Variants in FHIT observed in about 807,000 individuals in gnomAD.
FHIT encodes the protein bis(5'-adenosyl)-triphosphatase.
A neutral mutation model predicts 17.9 loss-of-function variants in FHIT; 19 were observed. The observed-to-expected ratio is 1.06, with a 90% confidence interval of 0.74 to 1.56. The LOEUF (loss-of-function observed/expected upper bound fraction) is 1.56, where lower values mean the gene tolerates loss of function less well. FHIT is among the 40% of genes most tolerant of loss of function. The pLI, the probability that FHIT is intolerant of heterozygous loss-of-function variation, is 0.00. For synonymous variants in FHIT, 81 were observed against 69.7 expected, an observed-to-expected ratio of 1.16 and a Z score of -0.81; for missense variants, 248 against 189.2, an observed-to-expected ratio of 1.31 and a Z score of -1.82.
intron 5 of FHIT, among the ~76,000 whole-genome samples, chr3:60,140,793 G>C (rs995206588): frequency 3.3e-5 from 5 of 151,976 alleles, no homozygotes; most frequent in Admixed American, 6.6e-5. Flanking sequence ...GATCAGGCTG[G>C]TTTCGAACTC....
chr3:60,476,085 T>C (rs888244702), intron 5 of FHIT, among the ~76,000 whole-genome samples: 2 of 152,168 alleles, frequency 1.3e-5, no homozygotes, highest in Non-Finnish European at 2.9e-5. Flanking sequence ...AGTGAGATAG[T>C]AGAAAAACTG....
At chr3:60,379,147 A>T (rs1700700646) in intron 5 of FHIT, among the ~76,000 whole-genome samples, 1 of 152,236 alleles carries the variant, frequency 6.6e-6, no homozygotes, top group South Asian at 2.1e-4. Context: ...TTAGATACTT[A>T]GCCCTAATTG....
rs1286831115 is a variant in FHIT, at chr3:60,490,670, C to G, written c.103+46190G>C. ...ATTATCATGTCTTACTTGATTTGTA[C>G]CAAAAAAAAAAAAAAAAGATTAGAT... On this transcript the variant is annotated intron_variant, in intron 5 of 9. Transcript: ENST00000492590. Among the ~76,000 whole-genome samples, 3 of 130,154 alleles carry G rather than the reference C, an allele frequency of 2.3e-5. No homozygotes were observed. In the East Asian group the frequency reaches 1.0e-3, roughly 45 times the overall value. The allele number at this position is 130,154 out of a possible 152,430, so 85.4% of individuals were successfully genotyped here.
At chr3:61,061,500 ATTTTAATTAAATTTAAATTAAAATTTG>A (rs1559951017) in intron 2 of FHIT, among the ~76,000 whole-genome samples, 2 of 151,770 alleles carry the variant, frequency 1.3e-5, no homozygotes, top group South Asian at 2.1e-4. Context: ...TATTTTATTT[ATTTTAATTAAATTTAAATTAAAATTTG>A]TTTTAATTAA....
At chr3:61,228,557 G>C (rs1468412042) in intron 1 of FHIT, among the ~76,000 whole-genome samples, 16 of 152,126 alleles carry the variant, frequency 1.1e-4, no homozygotes, top group Admixed American at 1.0e-3. Context: ...AAATAAATTT[G>C]TATGCTTTTC....
At chr3:60,958,655 A>T (rs1275685285) in intron 3 of FHIT, among the ~76,000 whole-genome samples, 2 of 152,174 alleles carry the variant, frequency 1.3e-5, no homozygotes, top group Non-Finnish European at 2.9e-5. Context: ...GGTAGCCTAA[A>T]TGATATGGGA....
At chr3:59,943,911 A>G (rs1315053866) in intron 7 of FHIT, among the ~76,000 whole-genome samples, 1 of 152,204 alleles carries the variant, frequency 6.6e-6, no homozygotes, top group African/African-American at 2.4e-5. Flanking sequence ...TCCAGATTCC[A>G]GTTTCCTCAT....
At chr3:60,967,931 A>G (rs1709828559) in intron 3 of FHIT, among the ~76,000 whole-genome samples, 2 of 152,256 alleles carry the variant, frequency 1.3e-5, no homozygotes, top group Non-Finnish European at 2.9e-5. Flanking sequence ...CTACAATTTA[A>G]AATTCAACTG....
At chr3:60,339,273 C>T (rs1710396493) in intron 5 of FHIT, among the ~76,000 whole-genome samples, 1 of 151,964 alleles carries the variant, frequency 6.6e-6, no homozygotes, top group Non-Finnish European at 1.5e-5. Context: ...ACTAACTTTC[C>T]TAAACCTCTT....
chr3:59,983,657 T>C (rs1037554763), intron 7 of FHIT, among the ~76,000 whole-genome samples: 2 of 152,130 alleles, frequency 1.3e-5, no homozygotes, highest in Admixed American at 1.3e-4. Context: ...GACTAATGTA[T>C]AGTCCTTTCC....
intron 5 of FHIT, among the ~76,000 whole-genome samples, chr3:60,311,814 G>A (rs931884262): frequency 9.9e-5 from 15 of 152,042 alleles, no homozygotes; most frequent in Admixed American, 2.0e-4. Flanking sequence ...AAACATGGTC[G>A]GGGTGGACTT....
At chr3:60,134,852 C>T (rs2107279045) in intron 5 of FHIT, among the ~76,000 whole-genome samples, 1 of 152,258 alleles carries the variant, frequency 6.6e-6, no homozygotes, top group South Asian at 2.1e-4. Context: ...AGCTGTGGTA[C>T]TATGGCTCTT....
At position 60,380,661 on chromosome 3, in the gene FHIT, T is replaced by C. The variant is rs1046419497; in HGVS notation, c.103+156199A>G. Among the ~76,000 whole-genome samples the C allele has an allele frequency of 6.6e-5, 10 of 152,322 alleles. 1 individual carries two copies. Among genetic ancestry groups the C allele is most frequent in the Admixed American group, 4.6e-4 (7 of 15,300 alleles). Reference sequence around the variant, plus strand: ...TGTCTCCGTACACGTCCAAGTTTAGTTGTCTCACTGCATGAGTATTTTCCA... The same window carrying C: ...TGTCTCCGTACACGTCCAAGTTTAGCTGTCTCACTGCATGAGTATTTTCCA... On this transcript the variant is annotated intron_variant, in intron 5 of 9. Transcript: ENST00000492590.
rs2038975136 is a variant in FHIT, at chr3:61,200,356, G to C, written c.-164+261C>G. 4.6e-5 allele frequency among the ~76,000 whole-genome samples: 7 copies of C among 152,144 alleles called. No individual in the cohort carries two copies. In the South Asian group the frequency reaches 1.2e-3, roughly 27 times the overall value. ...AATCTTAGTAAACTTAGCTCCATTG[G>C]AATGTCTTAGCTGCTGAGAAGAAAG... On this transcript the variant is annotated intron_variant, in intron 2 of 9. Transcript: ENST00000492590.
At chr3:60,462,317 GCA>G (rs1482531595) in intron 5 of FHIT, among the ~76,000 whole-genome samples, 1 of 152,168 alleles carries the variant, frequency 6.6e-6, no homozygotes, top group African/African-American at 2.4e-5. Context: ...AGCCACTGAG[GCA>G]CAGAGTTGGC....
rs185687786 is a variant in FHIT, at chr3:61,174,264, C to T, written c.-164+26353G>A. On this transcript the variant is annotated intron_variant, in intron 2 of 9. Transcript: ENST00000492590. Reference sequence around the variant, plus strand: ...CTACATATAAAATCTGCATCCATTGCTTATGGTCTAAAGTAAATGCAACAA... The same window carrying T: ...CTACATATAAAATCTGCATCCATTGTTTATGGTCTAAAGTAAATGCAACAA... Among the ~76,000 whole-genome samples, 7 of 152,306 alleles carry T rather than the reference C, an allele frequency of 4.6e-5. No homozygotes were observed. In the East Asian group the frequency reaches 1.2e-3, roughly 25 times the overall value.
chr3:60,970,142 T>C (rs932295627), intron 3 of FHIT, among the ~76,000 whole-genome samples: 5 of 152,202 alleles, frequency 3.3e-5, no homozygotes, highest in Non-Finnish European at 5.9e-5. Flanking sequence ...ACATTTTGTC[T>C]TCATATTCTA....
At chr3:59,997,438 A>G (rs775771785) in intron 7 of FHIT, among the ~76,000 whole-genome samples, 10 of 152,190 alleles carry the variant, frequency 6.6e-5, no homozygotes, top group African/African-American at 9.6e-5. Flanking sequence ...AAACTATTAT[A>G]GCTGGGGTTA....
intron 5 of FHIT, among the ~76,000 whole-genome samples, chr3:60,285,922 T>G (rs957476504): frequency 6.6e-6 from 1 of 152,182 alleles, no homozygotes. Flanking sequence ...TTCCATCAAC[T>G]AGAACTCTTA....
Sources: gnomAD v4.1 joint callset for allele counts (sites outside exome capture counted in the v4.1 genomes callset) on GRCh38, gnomAD v4.1.1 for gene constraint, MANE v1.5 for transcripts, NCBI Gene and HGNC (gene_info 2026-07-23, HGNC 2026-07-21) for gene names.